Variants in RABEPK observed in about 807,000 individuals in gnomAD.
RABEPK encodes the protein Rab9 effector protein with kelch motifs.
A neutral mutation model predicts 34.1 loss-of-function variants in RABEPK; 27 were observed. The observed-to-expected ratio is 0.79, with a 90% confidence interval of 0.58 to 1.09. The LOEUF (loss-of-function observed/expected upper bound fraction) is 1.09, where lower values mean the gene tolerates loss of function less well. Among genes scored for constraint, RABEPK ranks in the 50% least tolerant of loss-of-function variants. The pLI, the probability that RABEPK is intolerant of heterozygous loss-of-function variation, is 0.00. For synonymous variants in RABEPK, 172 were observed against 169.2 expected (o/e 1.02, Z -0.13); for missense variants, 449 against 462.6 (o/e 0.97, Z 0.27).
chr9:125,203,768 C>G (rs967867115), intron 2 of RABEPK, among the ~76,000 whole-genome samples: 1 of 152,182 alleles, frequency 6.6e-6, no homozygotes, highest in Non-Finnish European at 1.5e-5. Flanking sequence ...CACGGTGGCT[C>G]ATGCCTGTAA....
At chr9:125,224,747 C>A (rs1008386392) in intron 5 of RABEPK, among the ~76,000 whole-genome samples, 3 of 152,142 alleles carry the variant, frequency 2.0e-5, no homozygotes, top group Non-Finnish European at 4.4e-5. Context: ...AGCCACTGCG[C>A]CCGGCCAGTA....
chr9:125,223,913 G>T (rs890626887), intron 5 of RABEPK, among the ~76,000 whole-genome samples: 1 of 152,004 alleles, frequency 6.6e-6, no homozygotes. Context: ...CAGGCTGGGC[G>T]CAGTGGCTCA....
chr9:125,218,356 G>A (rs952734474), intron 4 of RABEPK, among the ~76,000 whole-genome samples: 3 of 128,816 alleles, frequency 2.3e-5, no homozygotes, highest in Non-Finnish European at 5.0e-5. Flanking sequence ...AAAGAACTGA[G>A]TTCAAACTCC....
chr9:125,212,682 G>T (rs1201154743), intron 3 of RABEPK, among the ~76,000 whole-genome samples: 3 of 147,552 alleles, frequency 2.0e-5, no homozygotes, highest in Admixed American at 1.4e-4. Context: ...ACAGAGTGTT[G>T]CTGTGTTCCC....
chr9:125,230,815 G>A lies in RABEPK; in HGVS notation c.677-1781G>A, dbSNP rs987632615. Among the ~76,000 whole-genome samples the A allele has an allele frequency of 9.4e-4, 143 of 151,922 alleles. 1 individual carries two copies. Among genetic ancestry groups the A allele is most frequent in the Admixed American group, 9.3e-3 (142 of 15,232 alleles). ...CTCCCAAAGTGCTGGGATTACAGGTGTGAGCCACTGCGCCCGGCCGACAGA... is the reference window on the plus strand; with the variant it reads ...CTCCCAAAGTGCTGGGATTACAGGTATGAGCCACTGCGCCCGGCCGACAGA... On this transcript the variant is annotated intron_variant, in intron 6 of 7. Transcript: ENST00000373538.
rs1055235176 is a variant in RABEPK at position 125,200,763 on chromosome 9, C to G, written c.-150C>G. ...GAATCAGCCTGTTCTTTCCCGACCC[C>G]GTCTCCTATCCCCTAGAACTGCCAC... On this transcript the variant is annotated 5_prime_UTR_variant, in exon 1 of 8. Transcript: ENST00000373538. 11 of 471,100 alleles carry G rather than the reference C, an allele frequency of 2.3e-5. No homozygotes were observed. The highest frequency in any genetic ancestry group is 4.4e-5 in the Non-Finnish European group (10 of 227,072). 29.2% of individuals were successfully genotyped at this position (471,100 alleles called of 1,614,324 possible).
chr9:125,224,746 G>A (rs112235623), intron 5 of RABEPK, among the ~76,000 whole-genome samples: 3,552 of 152,108 alleles, frequency 0.023, 147 homozygotes, highest in African/African-American at 0.082. Context: ...AAGCCACTGC[G>A]CCCGGCCAGT....
At chr9:125,201,199 A>G (rs1829883784) in intron 1 of RABEPK, among the ~76,000 whole-genome samples, 1 of 152,230 alleles carries the variant, frequency 6.6e-6, no homozygotes, top group Non-Finnish European at 1.5e-5. Context: ...CAAATCAGGG[A>G]AGGTTTCACC....
chr9:125,219,310 C>G (rs1451955658), intron 4 of RABEPK, among the ~76,000 whole-genome samples: 1 of 151,344 alleles, frequency 6.6e-6, no homozygotes, highest in South Asian at 2.1e-4. Context: ...AATCCTCCTG[C>G]CTTGGCTTCC....
intron 3 of RABEPK, among the ~76,000 whole-genome samples, chr9:125,211,294 C>T (rs1005380098): frequency 1.3e-5 from 2 of 151,546 alleles, no homozygotes; most frequent in Admixed American, 6.6e-5. Context: ...GAACTACAGG[C>T]ACGTGCCACC....
At chr9:125,233,587 CCGCT>C in intron 7 of RABEPK, 97 bp from the exon 8 acceptor site, 1 of 1,253,222 alleles carries the variant, frequency 8.0e-7, no homozygotes, top group Non-Finnish European at 1.1e-6. Context: ...CGTGATCCAC[CCGCT>C]TCGGCCTCCC....
chr9:125,213,772 G>A lies in RABEPK; in HGVS notation c.364+250G>A, dbSNP rs371575657. 7.9e-5 allele frequency among the ~76,000 whole-genome samples: 12 copies of A among 152,274 alleles called. No individual in the cohort carries two copies. The South Asian group carries it at 2.5e-3, about 32-fold the overall frequency. ...TGTCAAAGCTGGAAGGGACTTCAGA[G>A]AACAGCTATATCAAGTGGGCTACTC... On this transcript the variant is annotated intron_variant, in intron 4 of 7. Transcript: ENST00000373538.
chr9:125,213,572 T>TGC (rs771345162), intron 4 of RABEPK, 50 bp downstream of exon 4: 4 of 1,430,576 alleles, frequency 2.8e-6, no homozygotes, highest in Admixed American at 3.5e-5. Flanking sequence ...TAAACTTTCA[T>TGC]GCACACACAC....
intron 3 of RABEPK, among the ~76,000 whole-genome samples, chr9:125,210,111 G>T (rs1830488853): frequency 1.3e-5 from 2 of 152,110 alleles, no homozygotes; most frequent in Non-Finnish European, 1.5e-5. Flanking sequence ...CTGCTAATAA[G>T]AAACAATTGG....
intron 2 of RABEPK, among the ~76,000 whole-genome samples, chr9:125,203,558 T>C (rs1337138937): frequency 6.6e-6 from 1 of 152,184 alleles, no homozygotes; most frequent in African/African-American, 2.4e-5. Context: ...AAATGTGATC[T>C]GCTCTGAGTC....
At chr9:125,209,506 G>A (rs1830456387) in intron 3 of RABEPK, among the ~76,000 whole-genome samples, 1 of 151,906 alleles carries the variant, frequency 6.6e-6, no homozygotes, top group Non-Finnish European at 1.5e-5. Context: ...CGTGCCACCA[G>A]CCTGGCTAAT....
chr9:125,227,266 T>C (rs1366764188), intron 5 of RABEPK, among the ~76,000 whole-genome samples: 1 of 152,114 alleles, frequency 6.6e-6, no homozygotes, highest in Non-Finnish European at 1.5e-5. Context: ...GACTCATTCA[T>C]TTTGACTTTG....
chr9:125,210,845 T>TA (rs1043135360), intron 3 of RABEPK, among the ~76,000 whole-genome samples: 6 of 86,162 alleles, frequency 7.0e-5, no homozygotes, highest in African/African-American at 5.1e-4. Flanking sequence ...TTAAGTTTTG[T>TA]TTTTTTTTTT....
At chr9:125,226,861 C>T (rs1831794497) in intron 5 of RABEPK, among the ~76,000 whole-genome samples, 1 of 132,862 alleles carries the variant, frequency 7.5e-6, no homozygotes, top group African/African-American at 2.9e-5. Flanking sequence ...GAGACTCTGT[C>T]TGCAAAAAAT....
Sources: allele counts gnomAD v4.1 joint callset (sites outside exome capture counted in the v4.1 genomes callset), GRCh38; gene constraint gnomAD v4.1.1; transcripts MANE v1.5; gene names NCBI Gene and HGNC (gene_info 2026-07-23, HGNC 2026-07-21).